GPHN: variants seen among roughly 807,000 people sequenced by gnomAD.
GPHN encodes the protein gephyrin.
In GPHN, 17 loss-of-function variants were observed where a neutral mutation model predicts 95.5. The ratio of observed to expected loss-of-function variants is 0.18; its 90% CI spans 0.12 to 0.27. The LOEUF (loss-of-function observed/expected upper bound fraction) is 0.27. GPHN is among the 10% of genes least tolerant of loss of function. The probability of loss-of-function intolerance (pLI) is 1.00; values close to 1 mark genes in which losing one functional copy is unlikely to be tolerated. For missense variants in GPHN, 660 were observed against 978.1 expected (o/e 0.67, Z 4.34); for synonymous variants, 320 against 322.5 (o/e 0.99, Z 0.08).
the GPHN span, among the ~76,000 whole-genome samples, chr14:67,261,515 T>A: frequency 1.3e-5 from 2 of 152,198 alleles, no homozygotes; most frequent in African/African-American, 4.8e-5. Context: ...AACAGGAGTC[T>A]ATTATATTTT....
chr14:67,657,793 G>C, the GPHN span, among the ~76,000 whole-genome samples: 73 of 141,898 alleles, frequency 5.1e-4, no homozygotes, highest in African/African-American at 1.8e-3. Flanking sequence ...CTGTCGCCCG[G>C]GCTGGAGTGG....
chr14:67,201,622 G>A, the GPHN span: 1 of 443,432 alleles, frequency 2.3e-6, no homozygotes, highest in South Asian at 1.6e-5. Flanking sequence ...GGGGTGTGGA[G>A]TGGAACCACC....
At chr14:67,729,216 G>T in the GPHN span, 12 of 1,612,224 alleles carry the variant, frequency 7.4e-6, no homozygotes, top group Non-Finnish European at 8.5e-6. Context: ...CCTACGCAGT[G>T]CACCCAGGCG....
chr14:67,529,099 C>T, the GPHN span, among the ~76,000 whole-genome samples: 1 of 152,260 alleles, frequency 6.6e-6, no homozygotes, highest in South Asian at 2.1e-4. Context: ...ATAATATTTA[C>T]TAGATTCCAA....
chr14:66,940,178 A>G (rs2067338329), intron 8 of GPHN, among the ~76,000 whole-genome samples: 2 of 151,894 alleles, frequency 1.3e-5, no homozygotes, highest in African/African-American at 4.8e-5. Flanking sequence ...AGTGTCCCAT[A>G]GTATGGAGAC....
intron 9 of GPHN, among the ~76,000 whole-genome samples, chr14:66,990,447 T>G (rs1017193484): frequency 9.2e-5 from 14 of 152,208 alleles, no homozygotes; most frequent in Non-Finnish European, 1.6e-4. Flanking sequence ...CTCATGAGAC[T>G]TCATTTGGAG....
At chr14:66,668,772 C>G (rs1272056847) in intron 1 of GPHN, among the ~76,000 whole-genome samples, 1 of 152,106 alleles carries the variant, frequency 6.6e-6, no homozygotes, top group Non-Finnish European at 1.5e-5. Context: ...ACATCCTGCA[C>G]TTGTACCCGT....
the GPHN span, among the ~76,000 whole-genome samples, chr14:67,514,087 T>G: frequency 5.9e-5 from 9 of 152,180 alleles, no homozygotes; most frequent in East Asian, 1.4e-3. Context: ...TGAGAACACA[T>G]GAGAATTGGT....
chr14:67,728,457 A>G, the GPHN span, among the ~76,000 whole-genome samples: 1 of 152,144 alleles, frequency 6.6e-6, no homozygotes, highest in African/African-American at 2.4e-5. Flanking sequence ...CAGACAGTCC[A>G]TTCCATGTTT....
At chr14:67,051,753 G>A (rs1290120076) in intron 10 of GPHN, among the ~76,000 whole-genome samples, 1 of 152,224 alleles carries the variant, frequency 6.6e-6, no homozygotes, top group East Asian at 1.9e-4. Flanking sequence ...CAGACTAACA[G>A]TGGACCTCTC....
At chr14:66,808,321 C>T (rs920915942) in intron 3 of GPHN, among the ~76,000 whole-genome samples, 10 of 152,106 alleles carry the variant, frequency 6.6e-5, no homozygotes, top group African/African-American at 2.4e-4. Flanking sequence ...TTCTCCTCCT[C>T]GGTTGTTTGC....
chr14:66,688,065 C>T (rs1310885564), intron 2 of GPHN, among the ~76,000 whole-genome samples: 2 of 152,100 alleles, frequency 1.3e-5, no homozygotes, highest in African/African-American at 2.4e-5. Context: ...ATGACATAAA[C>T]AGTTGACTAA....
At chr14:67,148,283 G>T (rs953255611) in intron 18 of GPHN, among the ~76,000 whole-genome samples, 5 of 152,058 alleles carry the variant, frequency 3.3e-5, no homozygotes, top group African/African-American at 1.2e-4. Flanking sequence ...TGTAGGACAG[G>T]CGTTAATCAG....
intron 9 of GPHN, chr14:66,969,687 G>GCTT (rs1174376534): frequency 6.6e-6 from 1 of 152,076 alleles, no homozygotes; most frequent in Admixed American, 6.6e-5. Context: ...TGTAATCCCA[G>GCTT]CTTCTTGGGA....
intron 1 of GPHN, among the ~76,000 whole-genome samples, chr14:66,673,608 T>C (rs1369774402): frequency 6.6e-6 from 1 of 152,240 alleles, no homozygotes. Context: ...GTTGCTATTA[T>C]TATTTTGAAC....
chr14:67,723,057 G>A, the GPHN span, among the ~76,000 whole-genome samples: 29 of 152,306 alleles, frequency 1.9e-4, no homozygotes, highest in African/African-American at 6.0e-4. Flanking sequence ...TGAAGAACTC[G>A]GAGACTCTGT....
intron 16 of GPHN, among the ~76,000 whole-genome samples, chr14:67,117,203 GA>G (rs1229237405): frequency 2.0e-5 from 3 of 152,156 alleles, no homozygotes; most frequent in Non-Finnish European, 2.9e-5. Context: ...ACATGAGAAA[GA>G]AAGGAAGTCA....
chr14:66,563,209 A>G (rs2060337163), intron 1 of GPHN, among the ~76,000 whole-genome samples: 1 of 152,162 alleles, frequency 6.6e-6, no homozygotes, highest in Non-Finnish European at 1.5e-5. Flanking sequence ...AGTTTCTTGA[A>G]TGCTAGAAAT....
intron 2 of GPHN, among the ~76,000 whole-genome samples, chr14:66,723,742 G>A (rs1239880173): frequency 6.6e-6 from 1 of 152,050 alleles, no homozygotes; most frequent in Non-Finnish European, 1.5e-5. Flanking sequence ...GTTTAATGCT[G>A]ACAACTCTGA....
Sources: gnomAD v4.1 joint callset for allele counts (sites outside exome capture counted in the v4.1 genomes callset) on GRCh38, gnomAD v4.1.1 for gene constraint, MANE v1.5 for transcripts, NCBI Gene and HGNC (gene_info 2026-07-23, HGNC 2026-07-21) for gene names.